The following R3HDM2 variants were observed in gnomAD, a reference collection of about 807,000 sequenced individuals.
R3HDM2 encodes the protein R3H domain containing 2.
In R3HDM2, 38 loss-of-function variants were observed where a neutral mutation model predicts 124.5. The observed-to-expected ratio is 0.31, with a 90% CI of 0.24 to 0.40. The LOEUF is 0.40. Among genes scored for constraint, R3HDM2 ranks in the 10% least tolerant of loss-of-function variants. The pLI, the probability that R3HDM2 is intolerant of heterozygous loss-of-function variation, is 1.00. For synonymous variants in R3HDM2, 391 were observed against 448.0 expected (o/e 0.87, Z 1.61); for missense variants, 869 against 1,236.9 (o/e 0.70, Z 4.46).
chr12:57,256,520 T>G lies in R3HDM2; in HGVS notation c.2450-9A>C, dbSNP rs1005994509. 6.5e-7 allele frequency: 1 copy of G among 1,549,632 alleles called. No individual in the cohort carries two copies. Among genetic ancestry groups the G allele is most frequent in the African/African-American group, 1.4e-5 (1 of 72,938 alleles). ...GGAGTAGCGCCCATCACCTAGGGAG[T>G]AAGAGCAATTGGTTTTCTGGGAGCT... On this transcript the variant is annotated splice_polypyrimidine_tract_variant and intron_variant, in intron 21 of 23. Coordinates refer to ENST00000402412, the MANE Select transcript of R3HDM2 (RefSeq NM_001394031.1).
At chr12:57,304,748 T>C (rs777161637) in intron 3 of R3HDM2, among the ~76,000 whole-genome samples, 54 of 152,330 alleles carry the variant, frequency 3.5e-4, no homozygotes, top group Admixed American at 7.8e-4. Flanking sequence ...TATAGAACAG[T>C]AAGTCTCCTT....
chr12:57,339,028 G>T (rs1168073179), intron 2 of R3HDM2, among the ~76,000 whole-genome samples: 1 of 152,052 alleles, frequency 6.6e-6, no homozygotes, highest in African/African-American at 2.4e-5. Flanking sequence ...AAATGTGTGT[G>T]CATGTGTGTG....
chr12:57,288,473 T>C (rs559845279), intron 12 of R3HDM2, among the ~76,000 whole-genome samples: 2 of 152,092 alleles, frequency 1.3e-5, no homozygotes, highest in African/African-American at 2.4e-5. Flanking sequence ...AGGAATAATG[T>C]CTACACATCT....
chr12:57,362,925 G>C (rs543806155), intron 2 of R3HDM2, among the ~76,000 whole-genome samples: 95 of 152,210 alleles, frequency 6.2e-4, no homozygotes, highest in African/African-American at 1.7e-3. Flanking sequence ...GGTTCAAGCA[G>C]TTCTCCTGCC....
chr12:57,411,835 G>A (rs1385618347), intron 1 of R3HDM2, among the ~76,000 whole-genome samples: 1 of 152,224 alleles, frequency 6.6e-6, no homozygotes, highest in African/African-American at 2.4e-5. Flanking sequence ...ATATCACCCT[G>A]AATTGTAATA....
intron 12 of R3HDM2, among the ~76,000 whole-genome samples, chr12:57,284,589 G>C (rs117081095): frequency 6.6e-6 from 1 of 152,212 alleles, no homozygotes; most frequent in Non-Finnish European, 1.5e-5. Flanking sequence ...TGCAAGAAGA[G>C]TATAGTGAAC....
rs758844059 is a variant in R3HDM2 at position 57,269,835 on chromosome 12, T to C, written c.1504A>G (p.Thr502Ala). 6.2e-7 allele frequency: 1 copy of C among 1,613,874 alleles called. No homozygotes were observed. Among genetic ancestry groups the C allele is most frequent in the South Asian group, 1.1e-5 (1 of 91,070 alleles). The part of the protein sequence containing the change: ...IMASTGQPLP[T>A]SNYSTSSHAP... ...TGGCTAGAGGTGGAATAGTTGGAAG[T>C]GGGGAGGGGCTGACCCGTGGAAGCC... The change falls in exon 15 of 24, where the codon ACT becomes GCT. Residue 502 changes from threonine (T) to alanine (A), a missense_variant. Thr to Ala is a moderately conservative substitution (Grantham distance 58). This residue lies in a region of R3HDM2 where 602 missense variants were observed against 789.2 expected (regional missense o/e 0.76). Coordinates refer to ENST00000402412, the MANE Select transcript of R3HDM2 (RefSeq NM_001394031.1).
intron 1 of R3HDM2, among the ~76,000 whole-genome samples, chr12:57,400,193 C>A (rs1455488526): frequency 6.6e-6 from 1 of 152,068 alleles, no homozygotes; most frequent in Admixed American, 6.6e-5. Flanking sequence ...AAATGTCCAA[C>A]AATGATAGAC....
rs940405536 is a variant in R3HDM2, at chr12:57,430,742, G to A, written c.-128C>T. 2.2e-5 allele frequency: 5 copies of A among 232,480 alleles called. No homozygotes were observed. Among genetic ancestry groups the A allele is most frequent in the Non-Finnish European group, 2.8e-5 (4 of 143,450 alleles). The allele number at this position is 232,480 out of a possible 1,614,324, so 14.4% of individuals were successfully genotyped here. ...CACCTCGCACGGGCCTTGGCGGGGA[G>A]GGCGCCCACGTCTCCGCCCGCCGCC... On this transcript the variant is annotated 5_prime_UTR_variant, in exon 1 of 24. Transcript: ENST00000402412.
intron 2 of R3HDM2, among the ~76,000 whole-genome samples, chr12:57,354,665 C>T (rs965901208): frequency 4.0e-5 from 6 of 151,882 alleles, no homozygotes; most frequent in Non-Finnish European, 7.4e-5. Flanking sequence ...CTTCCCTGGC[C>T]GAGTGTTTGT....
intron 2 of R3HDM2, among the ~76,000 whole-genome samples, chr12:57,319,179 C>T (rs1272476371): frequency 1.3e-5 from 2 of 151,980 alleles, no homozygotes; most frequent in Non-Finnish European, 1.5e-5. Context: ...CTCCGCCTCT[C>T]GGGTTCAAGC....
At chr12:57,299,541 GA>G in intron 5 of R3HDM2, 63 bp from the exon 6 acceptor site, 1 of 1,451,306 alleles carries the variant, frequency 6.9e-7, no homozygotes. Flanking sequence ...AGCTCCCTTG[GA>G]ATCTCAAAGA....
chr12:57,399,828 A>C (rs540869063), intron 1 of R3HDM2, among the ~76,000 whole-genome samples: 1 of 151,922 alleles, frequency 6.6e-6, no homozygotes, highest in Non-Finnish European at 1.5e-5. Context: ...AATGACTCCT[A>C]CTCTTCTCTA....
At chr12:57,260,263 C>CAAAAAAAAAAAAAAAAA (rs566868060) in intron 19 of R3HDM2, among the ~76,000 whole-genome samples, 3,990 of 31,508 alleles carry the variant, frequency 0.13, 1,314 homozygotes, top group Admixed American at 0.17. Flanking sequence ...GACCCTGCCT[C>CAAAAAAAAAAAAAAAAA]AAAAAAAAAA....
At chr12:57,327,399 G>A (rs952385909) in intron 2 of R3HDM2, among the ~76,000 whole-genome samples, 5 of 151,512 alleles carry the variant, frequency 3.3e-5, no homozygotes, top group South Asian at 2.1e-4. Context: ...CCCTGGAGGC[G>A]GAGGTTGCAG....
intron 1 of R3HDM2, among the ~76,000 whole-genome samples, chr12:57,413,428 T>TAAA (rs748462019): frequency 5.3e-4 from 56 of 106,492 alleles, no homozygotes; most frequent in African/African-American, 1.6e-3. Context: ...ACCTTCTATT[T>TAAA]AAAAAAAAAA....
At chr12:57,261,849 AAG>A (rs1416729588) in intron 19 of R3HDM2, among the ~76,000 whole-genome samples, 1 of 148,578 alleles carries the variant, frequency 6.7e-6, no homozygotes, top group Non-Finnish European at 1.5e-5. Context: ...AGCCAGTGGG[AAG>A]TGGGAGGGGG....
chr12:57,349,563 GTTGT>G (rs1452078400), intron 2 of R3HDM2, among the ~76,000 whole-genome samples: 4 of 149,034 alleles, frequency 2.7e-5, no homozygotes, highest in African/African-American at 9.9e-5. Flanking sequence ...TTGTTTTTTG[GTTGT>G]TTTTTTTTTT....
chr12:57,399,069 GGAAAGGAGCT>G (rs1409686245), intron 1 of R3HDM2, among the ~76,000 whole-genome samples: 1 of 152,140 alleles, frequency 6.6e-6, no homozygotes, highest in Admixed American at 6.6e-5. Flanking sequence ...TCACAGGAGT[GGAAAGGAGCT>G]GAACTCAGCC....
Sources: allele counts gnomAD v4.1 joint callset (sites outside exome capture counted in the v4.1 genomes callset), GRCh38; gene constraint gnomAD v4.1.1; regional missense constraint gnomAD v4.1.1; transcripts MANE v1.5; gene names NCBI Gene and HGNC (gene_info 2026-07-23, HGNC 2026-07-21).